Variants in THBS4 observed in about 807,000 individuals in gnomAD.
THBS4 encodes the protein thrombospondin 4, also known as thrombospondin-4.
In THBS4, 90 loss-of-function variants were observed where a neutral mutation model predicts 115.7. The observed-to-expected ratio is 0.78, with a 90% confidence interval of 0.66 to 0.93. The LOEUF (loss-of-function observed/expected upper bound fraction) is 0.93. THBS4 is among the 40% of genes least tolerant of loss of function. The pLI, the probability that THBS4 is intolerant of heterozygous loss-of-function variation, is 0.00. For synonymous variants in THBS4, 460 were observed against 479.3 expected, an observed-to-expected ratio of 0.96 and a Z score of 0.53; for missense variants, 1,087 against 1,232.7, an observed-to-expected ratio of 0.88 and a Z score of 1.77.
At chr5:80,070,001 T>C (rs1157221768) in intron 10 of THBS4, among the ~76,000 whole-genome samples, 1 of 152,206 alleles carries the variant, frequency 6.6e-6, no homozygotes, top group Non-Finnish European at 1.5e-5. Context: ...TCTCTCCCTC[T>C]GCGTTTCCAG....
At chr5:80,010,992 T>G (rs1353371661) in intron 2 of THBS4, among the ~76,000 whole-genome samples, 1 of 152,200 alleles carries the variant, frequency 6.6e-6, no homozygotes, top group Non-Finnish European at 1.5e-5. Flanking sequence ...TTTGGCTGTG[T>G]CCCCACCCCA....
chr5:80,026,556 A>G (rs937192059), intron 2 of THBS4, among the ~76,000 whole-genome samples: 4 of 152,232 alleles, frequency 2.6e-5, no homozygotes, highest in African/African-American at 9.6e-5. Flanking sequence ...CTCTGTTACA[A>G]CTACTCAACT....
chr5:80,065,447 C>A lies in THBS4; in HGVS notation c.1164C>A (p.Cys388Ter). 6.2e-7 allele frequency: 1 copy of A among 1,613,520 alleles called. No individual in the cohort carries two copies. Among genetic ancestry groups the A allele is most frequent in the African/African-American group, 1.3e-5 (1 of 75,008 alleles). Reference sequence around the variant, plus strand: ...TTGATGAGTGTCGAAATGGAGCGTGCGTTCCCAACTCGATCTGCGTTAATA... The same window carrying A: ...TTGATGAGTGTCGAAATGGAGCGTGAGTTCCCAACTCGATCTGCGTTAATA... ...TDIDECRNGA[C>*]VPNSICVNTL... is the part of the protein sequence containing the mutation. Residue 388 changes from cysteine (C) to a stop codon, truncating the protein, a stop_gained, in exon 9 of 22, where the codon TGC becomes TGA. Transcript: ENST00000350881. LOFTEE classifies it high-confidence loss of function.
chr5:80,072,609 C>T (rs552810639), intron 14 of THBS4: 28 of 554,680 alleles, frequency 5.0e-5, no homozygotes, highest in African/African-American at 1.7e-4. Context: ...CCCAGGCTGT[C>T]GATTGCCTGT....
At chr5:80,020,335 G>A (rs191218248) in intron 2 of THBS4, among the ~76,000 whole-genome samples, 4 of 152,100 alleles carry the variant, frequency 2.6e-5, no homozygotes, top group African/African-American at 4.8e-5. Context: ...TTAGCCAGGC[G>A]TGGTGGCAGG....
At chr5:80,059,613 G>A in intron 6 of THBS4, 90 bp from the exon 7 acceptor site, 2 of 1,593,474 alleles carry the variant, frequency 1.3e-6, no homozygotes, top group Non-Finnish European at 1.7e-6. Context: ...AGGGGAGGGA[G>A]GAAAAGTTCA....
At chr5:80,077,148 C>T (rs925726927) in intron 16 of THBS4, 100 bp downstream of exon 16, 1 of 1,101,696 alleles carries the variant, frequency 9.1e-7, no homozygotes, top group Non-Finnish European at 1.3e-6. Flanking sequence ...AGAATATCCC[C>T]AGCTCCCATC....
intron 2 of THBS4, among the ~76,000 whole-genome samples, chr5:80,028,989 C>T (rs187087710): frequency 3.1e-4 from 47 of 152,232 alleles, no homozygotes; most frequent in African/African-American, 1.1e-3. Context: ...TGAAAGTTAA[C>T]TACTAAAATC....
Position 80,061,721 on chromosome 5 carries a change from C to T in THBS4, c.1014C>T (p.Gly338=), listed in dbSNP as rs1018776054. The T allele has an allele frequency of 1.1e-5, 17 of 1,614,030 alleles. No homozygotes were observed. Among genetic ancestry groups the T allele is most frequent in the Admixed American group, 1.7e-5 (1 of 60,004 alleles). Residue 338 remains glycine, a synonymous_variant, in exon 8 of 22, where the codon GGC becomes GGT. Coordinates refer to ENST00000350881, the MANE Select transcript of THBS4 (RefSeq NM_003248.6). ...GCAAATACCATCCCTGCTACCCGGGCGTGCACTGCATAAATTTGTCTCCTG... is the reference window on the plus strand; with the variant it reads ...GCAAATACCATCCCTGCTACCCGGGTGTGCACTGCATAAATTTGTCTCCTG... The part of the protein sequence containing the change: ...DECKYHPCYP[G]VHCINLSPGF...
At chr5:80,050,419 G>A (rs942514986) in intron 2 of THBS4, among the ~76,000 whole-genome samples, 2 of 152,072 alleles carry the variant, frequency 1.3e-5, no homozygotes, top group Non-Finnish European at 2.9e-5. Context: ...TTTTCTTAAC[G>A]TCTTCTGTTC....
chr5:80,004,492 A>G (rs775057617), intron 2 of THBS4, among the ~76,000 whole-genome samples: 3 of 152,182 alleles, frequency 2.0e-5, no homozygotes, highest in African/African-American at 7.2e-5. Flanking sequence ...CTCATCTGCT[A>G]TAGTCTCCTG....
In THBS4 at chr5:80,061,706, T is replaced by A. The variant is rs1458708585; in HGVS notation, c.999T>A (p.His333Gln). Residue 333 changes from histidine to glutamine, a missense_variant, in exon 8 of 22, where the codon CAT (histidine) becomes CAA (glutamine). His to Gln is a conservative substitution (Grantham distance 24). Transcript: ENST00000350881. ...TTTTTTGTCTCCAGTGCAAATACCA[T>A]CCCTGCTACCCGGGCGTGCACTGCA... ...TCIDVDECKY[H>Q]PCYPGVHCIN... 1 of 1,612,994 alleles carries A rather than the reference T, an allele frequency of 6.2e-7. No individual in the cohort carries two copies. Among genetic ancestry groups the A allele is most frequent in the Non-Finnish European group, 8.5e-7 (1 of 1,179,446 alleles).
chr5:79,992,482 T>C (rs1196209195), intron 1 of THBS4, among the ~76,000 whole-genome samples: 1 of 152,244 alleles, frequency 6.6e-6, no homozygotes, highest in Non-Finnish European at 1.5e-5. Flanking sequence ...GCCAGCCTGC[T>C]AAAGTCTTTT....
intron 2 of THBS4, among the ~76,000 whole-genome samples, chr5:80,049,886 C>T (rs1340074366): frequency 5.3e-5 from 8 of 152,128 alleles, no homozygotes; most frequent in East Asian, 3.8e-4. Flanking sequence ...CCAAAAAGTC[C>T]GTGCAGAAAG....
rs1186257290 is a variant in THBS4, at chr5:80,059,430, A to AT, written c.733-5dup. ...TTTTCAATCCTTTTTTCCCCTTCTC[A>AT]TTTTTAAAGGTTAAGGAAACATCAT... On this transcript the variant is annotated splice_polypyrimidine_tract_variant and intron_variant, in intron 5 of 21. Transcript: ENST00000350881. 1 of 1,612,278 alleles carries AT rather than the reference A, an allele frequency of 6.2e-7. No individual in the cohort carries two copies. The highest frequency in any genetic ancestry group is 8.5e-7 in the Non-Finnish European group (1 of 1,179,606).
At chr5:80,055,496 AT>A (rs1179783350) in intron 2 of THBS4, among the ~76,000 whole-genome samples, 1 of 152,172 alleles carries the variant, frequency 6.6e-6, no homozygotes, top group Non-Finnish European at 1.5e-5. Flanking sequence ...TTATCACTAT[AT>A]GAGAATTGTA....
chr5:80,016,939 A>G (rs1832263536), intron 2 of THBS4, among the ~76,000 whole-genome samples: 1 of 152,222 alleles, frequency 6.6e-6, no homozygotes, highest in Non-Finnish European at 1.5e-5. Flanking sequence ...TGCTTTAATC[A>G]TTTTATATTT....
chr5:80,003,575 A>G (rs186864207), intron 2 of THBS4, among the ~76,000 whole-genome samples: 188 of 152,328 alleles, frequency 1.2e-3, no homozygotes, highest in Middle Eastern at 0.01. Flanking sequence ...TCCAGCCAAC[A>G]TAAAGCAGTT....
intron 2 of THBS4, among the ~76,000 whole-genome samples, chr5:80,055,245 C>T (rs1580954214): frequency 1.3e-5 from 2 of 151,856 alleles, no homozygotes; most frequent in Middle Eastern, 6.8e-3. Flanking sequence ...TGACTTGAGC[C>T]TAGGAGGCAG....
Sources: allele counts gnomAD v4.1 joint callset (sites outside exome capture counted in the v4.1 genomes callset), GRCh38; gene constraint gnomAD v4.1.1; transcripts MANE v1.5; gene names NCBI Gene and HGNC (gene_info 2026-07-23, HGNC 2026-07-21).